Variants in PLCB4 observed in about 807,000 individuals in gnomAD.
PLCB4 encodes the protein 1-phosphatidylinositol 4,5-bisphosphate phosphodiesterase beta-4.
In PLCB4, 77 loss-of-function variants were observed where a neutral mutation model predicts 178.8. That is an observed-to-expected ratio of 0.43 (90% CI 0.36 to 0.52). The LOEUF (loss-of-function observed/expected upper bound fraction) is 0.52. Ranked by LOEUF, PLCB4 falls within the 20% of genes least tolerant of loss-of-function variation. The pLI, the probability that PLCB4 is intolerant of heterozygous loss-of-function variation, is 0.00. For missense variants in PLCB4, 1,024 were observed against 1,453.4 expected (o/e 0.70, Z 4.80); for synonymous variants, 496 against 490.8 (o/e 1.01, Z -0.14).
At chr20:9,072,099 T>C (rs150508100) in intron 1 of PLCB4, among the ~76,000 whole-genome samples, 1 of 152,350 alleles carries the variant, frequency 6.6e-6, no homozygotes, top group East Asian at 1.9e-4. Flanking sequence ...CATATTAGTG[T>C]CTGTCAAGGA....
intron 2 of PLCB4, among the ~76,000 whole-genome samples, chr20:9,205,278 A>T (rs1228917147): frequency 6.6e-6 from 1 of 152,146 alleles, no homozygotes; most frequent in South Asian, 2.1e-4. Context: ...CTGTAGGCCA[A>T]TGTAAGCATT....
chr20:9,257,043 TACTC>T (rs1293878915), intron 3 of PLCB4, among the ~76,000 whole-genome samples: 1 of 152,160 alleles, frequency 6.6e-6, no homozygotes, highest in Non-Finnish European at 1.5e-5. Flanking sequence ...AAGAAACAGT[TACTC>T]AGTAACTTTC....
intron 2 of PLCB4, among the ~76,000 whole-genome samples, chr20:9,185,014 C>T (rs2093309108): frequency 6.6e-6 from 1 of 152,242 alleles, no homozygotes; most frequent in Non-Finnish European, 1.5e-5. Context: ...CCTTGACCAC[C>T]TGGGCTCAAG....
chr20:9,438,589 C>T (rs2041924783), intron 30 of PLCB4, among the ~76,000 whole-genome samples: 2 of 151,592 alleles, frequency 1.3e-5, no homozygotes, highest in Admixed American at 1.3e-4. Context: ...TACATCTGGG[C>T]AGAAATATGC....
chr20:9,196,821 G>A (rs2093478258), intron 2 of PLCB4, among the ~76,000 whole-genome samples: 1 of 152,136 alleles, frequency 6.6e-6, no homozygotes, highest in South Asian at 2.1e-4. Context: ...AAGCGGAGGT[G>A]TTATTTTAGA....
intron 3 of PLCB4, among the ~76,000 whole-genome samples, chr20:9,234,544 G>T (rs906283305): frequency 6.6e-6 from 1 of 152,118 alleles, no homozygotes; most frequent in Non-Finnish European, 1.5e-5. Context: ...GAAAGAGAAT[G>T]TTTCAAATAA....
At chr20:9,208,153 G>C (rs1389949280) in intron 2 of PLCB4, among the ~76,000 whole-genome samples, 1 of 152,218 alleles carries the variant, frequency 6.6e-6, no homozygotes. Flanking sequence ...TGGATGCACA[G>C]ACAGTTGCCT....
chr20:9,359,077 A>T (rs2035094138), intron 7 of PLCB4, among the ~76,000 whole-genome samples: 2 of 152,168 alleles, frequency 1.3e-5, no homozygotes, highest in Admixed American at 1.3e-4. Context: ...ACCCTAACCA[A>T]TATTTTTAAA....
chr20:9,081,499 C>T (rs1355201332), intron 1 of PLCB4, among the ~76,000 whole-genome samples: 2 of 152,182 alleles, frequency 1.3e-5, no homozygotes, highest in Admixed American at 1.3e-4. Context: ...AACTGGCTGA[C>T]TCCTACAGGC....
At chr20:9,475,340 A>G (rs1429860451) in intron 38 of PLCB4, among the ~76,000 whole-genome samples, 1 of 152,194 alleles carries the variant, frequency 6.6e-6, no homozygotes, top group Non-Finnish European at 1.5e-5. Flanking sequence ...TTTAAAAATC[A>G]GTTTGAGCTT....
At chr20:9,430,870 T>C (rs2041346593) in intron 28 of PLCB4, among the ~76,000 whole-genome samples, 1 of 152,206 alleles carries the variant, frequency 6.6e-6, no homozygotes, top group African/African-American at 2.4e-5. Context: ...CTCCATAGTC[T>C]TAATGATAAA....
At chr20:9,449,581 CT>C (rs1320867165) in intron 32 of PLCB4, among the ~76,000 whole-genome samples, 1 of 152,180 alleles carries the variant, frequency 6.6e-6, no homozygotes, top group African/African-American at 2.4e-5. Flanking sequence ...AATTCAACCT[CT>C]TTTTGAAACT....
At chr20:9,168,352 G>GT (rs2093007094) in intron 2 of PLCB4, among the ~76,000 whole-genome samples, 3 of 152,136 alleles carry the variant, frequency 2.0e-5, no homozygotes, top group African/African-American at 7.2e-5. Flanking sequence ...TTGCTTACCT[G>GT]TTTACCTGCA....
intron 3 of PLCB4, among the ~76,000 whole-genome samples, chr20:9,278,634 A>G (rs1419189277): frequency 6.6e-6 from 1 of 151,990 alleles, no homozygotes; most frequent in Non-Finnish European, 1.5e-5. Flanking sequence ...ATATTACCCT[A>G]AAAAGGACTC....
intron 2 of PLCB4, among the ~76,000 whole-genome samples, chr20:9,206,275 C>T (rs2093612171): frequency 2.0e-5 from 3 of 150,636 alleles, no homozygotes; most frequent in South Asian, 4.2e-4. Context: ...CCACATCCCT[C>T]CTCCTGCCTT....
chr20:9,385,772 G>A (rs879180439), intron 14 of PLCB4, among the ~76,000 whole-genome samples: 10 of 151,862 alleles, frequency 6.6e-5, no homozygotes, highest in Admixed American at 2.0e-4. Flanking sequence ...CTTCCCAGAC[G>A]GGGCAGCCGG....
intron 3 of PLCB4, among the ~76,000 whole-genome samples, chr20:9,253,379 T>C (rs907150345): frequency 6.6e-6 from 1 of 152,162 alleles, no homozygotes; most frequent in Non-Finnish European, 1.5e-5. Flanking sequence ...ACCTTCCTCG[T>C]TCTCCAGGTA....
At chr20:9,454,272 C>G (rs2042933230) in intron 33 of PLCB4, among the ~76,000 whole-genome samples, 1 of 151,982 alleles carries the variant, frequency 6.6e-6, no homozygotes, top group Non-Finnish European at 1.5e-5. Context: ...TTGATATGTC[C>G]CATTATTGGT....
At chr20:9,478,181 G>GC (rs1175450391) in intron 39 of PLCB4, among the ~76,000 whole-genome samples, 2 of 152,230 alleles carry the variant, frequency 1.3e-5, no homozygotes, top group South Asian at 2.1e-4. Flanking sequence ...ACCAGACACT[G>GC]CCCCCATCAT....
Sources: gnomAD v4.1 joint callset for allele counts (sites outside exome capture counted in the v4.1 genomes callset) on GRCh38, gnomAD v4.1.1 for gene constraint, MANE v1.5 for transcripts, NCBI Gene and HGNC (gene_info 2026-07-23, HGNC 2026-07-21) for gene names.